The following PIK3AP1 variants were observed in gnomAD, a reference collection of about 807,000 sequenced individuals.
The protein encoded by PIK3AP1 is phosphoinositide 3-kinase adapter protein 1.
Under a neutral mutation model 88.1 loss-of-function variants are expected in PIK3AP1, and 21 were observed. The ratio of observed to expected loss-of-function variants is 0.24; its 90% CI spans 0.17 to 0.34. The LOEUF (loss-of-function observed/expected upper bound fraction) is 0.34, where lower values mean the gene tolerates loss of function less well. PIK3AP1 is among the 10% of genes least tolerant of loss of function. The pLI, the probability that PIK3AP1 is intolerant of heterozygous loss-of-function variation, is 1.00. For missense variants in PIK3AP1, 828 were observed against 1,035.7 expected, an observed-to-expected ratio of 0.80 and a Z score of 2.75; for synonymous variants, 398 against 400.0, an observed-to-expected ratio of 1.00 and a Z score of 0.06.
At chr10:96,697,905 T>C (rs1305761928) in intron 2 of PIK3AP1, among the ~76,000 whole-genome samples, 1 of 152,254 alleles carries the variant, frequency 6.6e-6, no homozygotes, top group Non-Finnish European at 1.5e-5. Context: ...ATATTTCTTT[T>C]TAAAACATAC....
At chr10:96,677,369 C>T (rs984840002) in intron 2 of PIK3AP1, among the ~76,000 whole-genome samples, 15 of 152,230 alleles carry the variant, frequency 9.9e-5, no homozygotes, top group Admixed American at 8.5e-4. Flanking sequence ...AAAACTTGGG[C>T]GTTCTCACAC....
chr10:96,698,799 C>T (rs1844255258), intron 2 of PIK3AP1, among the ~76,000 whole-genome samples: 1 of 152,072 alleles, frequency 6.6e-6, no homozygotes, highest in South Asian at 2.1e-4. Context: ...CAGCACCTGG[C>T]AGATGCTCAT....
intron 12 of PIK3AP1, chr10:96,618,593 A>C (rs952730671): frequency 6.6e-6 from 1 of 151,780 alleles, no homozygotes; most frequent in African/African-American, 2.4e-5. Flanking sequence ...AAAATGTAAA[A>C]AAAAAAAAAA....
chr10:96,713,225 C>A (rs929402235), intron 1 of PIK3AP1, among the ~76,000 whole-genome samples: 2 of 151,658 alleles, frequency 1.3e-5, no homozygotes, highest in African/African-American at 4.8e-5. Context: ...AGGCCAGGCG[C>A]GGTGGGTCAC....
intron 15 of PIK3AP1, 86 bp downstream of exon 15, chr10:96,603,884 ACCTTTTGTG>A (rs1848952716): frequency 6.1e-6 from 7 of 1,142,586 alleles, no homozygotes; most frequent in Non-Finnish European, 8.6e-6. Context: ...ATAATATATG[ACCTTTTGTG>A]CCTGGCTCCT....
chr10:96,605,602 G>A (rs1848989351), intron 14 of PIK3AP1, among the ~76,000 whole-genome samples: 2 of 152,212 alleles, frequency 1.3e-5, no homozygotes, highest in Non-Finnish European at 2.9e-5. Flanking sequence ...TCCTGGTCAT[G>A]TAAGTTTATA....
At chr10:96,692,609 T>C (rs958410747) in intron 2 of PIK3AP1, among the ~76,000 whole-genome samples, 2 of 150,352 alleles carry the variant, frequency 1.3e-5, no homozygotes, top group Non-Finnish European at 3.0e-5. Flanking sequence ...AAGAAAGAAA[T>C]GTTATATTGT....
chr10:96,629,127 T>G (rs1440416554), intron 8 of PIK3AP1, among the ~76,000 whole-genome samples: 10 of 151,860 alleles, frequency 6.6e-5, no homozygotes, highest in Non-Finnish European at 1.5e-4. Context: ...TTAAAAACAA[T>G]GTACTGAAGC....
chr10:96,706,407 A>C (rs1359639885), intron 2 of PIK3AP1, among the ~76,000 whole-genome samples: 1 of 152,208 alleles, frequency 6.6e-6, no homozygotes, highest in Non-Finnish European at 1.5e-5. Flanking sequence ...GTTATAGGGA[A>C]TGTACCTAAG....
Position 96,602,352 on chromosome 10 carries a change from G to C in PIK3AP1, c.2288C>G (p.Pro763Arg). ...EVTRSRSPGP[P>R]QVDGTPTMSL... Reference sequence around the variant, plus strand: ...CATGGTGGGTGTCCCATCCACTTGTGGGGGGCCTGGACTGCGACTTCTGGT... The same window carrying C: ...CATGGTGGGTGTCCCATCCACTTGTCGGGGGCCTGGACTGCGACTTCTGGT... The change falls in exon 16 of 17, where the codon CCA (proline) becomes CGA (arginine). Residue 763 changes from proline (P) to arginine (R), a missense_variant. Pro to Arg is a moderately radical substitution (Grantham distance 103, BLOSUM62 -2). Transcript: ENST00000339364. The C allele has an allele frequency of 1.2e-6, 2 of 1,612,216 alleles. No individual in the cohort carries two copies. The highest frequency in any genetic ancestry group is 1.3e-5 in the African/African-American group (1 of 74,934).
intron 2 of PIK3AP1, among the ~76,000 whole-genome samples, chr10:96,661,009 AC>A (rs779436070): frequency 3.3e-5 from 5 of 152,114 alleles, no homozygotes; most frequent in Non-Finnish European, 7.3e-5. Flanking sequence ...ACATGGTGAA[AC>A]CCTGTTTCTA....
intron 1 of PIK3AP1, among the ~76,000 whole-genome samples, chr10:96,714,333 G>A (rs576461194): frequency 1.1e-3 from 174 of 152,214 alleles, no homozygotes; most frequent in African/African-American, 3.8e-3. Context: ...TTATCAAAAA[G>A]CCCCATTTTA....
intron 13 of PIK3AP1, among the ~76,000 whole-genome samples, chr10:96,610,673 G>A (rs1038863032): frequency 6.6e-6 from 1 of 152,174 alleles, no homozygotes; most frequent in Admixed American, 6.5e-5. Flanking sequence ...TGCCTTTGTC[G>A]AGCAAAGCAC....
chr10:96,657,480 T>G (rs1843630747), intron 2 of PIK3AP1, among the ~76,000 whole-genome samples: 1 of 152,156 alleles, frequency 6.6e-6, no homozygotes, highest in African/African-American at 2.4e-5. Flanking sequence ...AGGCAACACC[T>G]GTACCACGGA....
chr10:96,688,619 T>C (rs1844108304), intron 2 of PIK3AP1, among the ~76,000 whole-genome samples: 1 of 151,984 alleles, frequency 6.6e-6, no homozygotes, highest in African/African-American at 2.4e-5. Context: ...GCCAACATGG[T>C]GAAATCCCAT....
At chr10:96,633,342 T>C (rs1843272066) in intron 8 of PIK3AP1, 1 of 293,402 alleles carries the variant, frequency 3.4e-6, no homozygotes, top group South Asian at 1.4e-4. Context: ...CAAAATCTTA[T>C]GCAGAAAGGG....
intron 5 of PIK3AP1, 31 bp downstream of exon 5, chr10:96,651,478 G>T: frequency 1.2e-6 from 2 of 1,614,054 alleles, no homozygotes; most frequent in Non-Finnish European, 1.7e-6. Context: ...TACATGCCCA[G>T]AAATCTCAGG....
chr10:96,651,591 G>T lies in PIK3AP1; in HGVS notation c.773C>A (p.Thr258Asn), dbSNP rs1283037944. ...IYSGDLVVCE[T>N]VISYYTDMEE... ...CATGTCAGTATAATAGCTGATAACGGTTTCACACACCACTAAGTCTCCAGA... is the reference window on the plus strand; with the variant it reads ...CATGTCAGTATAATAGCTGATAACGTTTTCACACACCACTAAGTCTCCAGA... Residue 258 changes from threonine (T) to asparagine (N), a missense_variant, in exon 5 of 17, where the codon ACC (threonine) becomes AAC (asparagine). Thr to Asn is a moderately conservative substitution (Grantham distance 65). Coordinates refer to ENST00000339364, the MANE Select transcript of PIK3AP1 (RefSeq NM_152309.3). 6.2e-7 allele frequency: 1 copy of T among 1,613,966 alleles called. No individual in the cohort carries two copies. The highest frequency in any genetic ancestry group is 2.2e-5 in the East Asian group (1 of 44,892).
intron 2 of PIK3AP1, among the ~76,000 whole-genome samples, chr10:96,702,727 AT>A (rs916271076): frequency 1.3e-5 from 2 of 152,176 alleles, no homozygotes; most frequent in African/African-American, 2.4e-5. Context: ...GTATAAAAAA[AT>A]CACTTTGTAC....
Sources: allele counts gnomAD v4.1 joint callset (sites outside exome capture counted in the v4.1 genomes callset), GRCh38; gene constraint gnomAD v4.1.1; transcripts MANE v1.5; gene names NCBI Gene and HGNC (gene_info 2026-07-23, HGNC 2026-07-21).